YARS2: variants seen among roughly 807,000 people sequenced by gnomAD.
YARS2 encodes tyrosyl-tRNA synthetase 2.
A neutral mutation model predicts 45.0 loss-of-function variants in YARS2; 38 were observed. The observed-to-expected ratio is 0.84, with a 90% CI of 0.65 to 1.11. YARS2 has a LOEUF of 1.11. Ranked by LOEUF, YARS2 falls within the 50% of genes least tolerant of loss-of-function variation. The pLI is 0.00. For synonymous variants in YARS2, 287 were observed against 245.1 expected (o/e 1.17, Z -1.60); for missense variants, 602 against 599.8 (o/e 1.00, Z -0.04).
chr12:32,755,565 C>T lies in YARS2; in HGVS notation c.310G>A (p.Ala104Thr), dbSNP rs1398114844. ...ALLGLFHLQR[A>T]GHNVIALVGG... ...ACCAGCGCGATCACGTTGTGGCCCG[C>T]TCGCTGCAAATGAAACAGGCCCAGC... The change falls in exon 1 of 5, where the codon GCG becomes ACG. Residue 104 changes from alanine to threonine, a missense_variant. By Grantham distance (58) the Ala-to-Thr change is moderately conservative. Coordinates refer to ENST00000324868, the MANE Select transcript of YARS2 (RefSeq NM_001040436.3). 6.2e-7 allele frequency: 1 copy of T among 1,613,782 alleles called. No individual in the cohort carries two copies. Among genetic ancestry groups the T allele is most frequent in the Non-Finnish European group, 8.5e-7 (1 of 1,179,898 alleles).
Position 32,755,319 on chromosome 12 carries a change from G to A in YARS2, c.556C>T (p.Leu186=), listed in dbSNP as rs986905196. The A allele has an allele frequency of 4.3e-6, 7 of 1,614,136 alleles. No individual in the cohort carries two copies. The highest frequency in any genetic ancestry group is 2.2e-5 in the East Asian group (1 of 44,876). ...WYQKQHLVDF[L]AAVGGHFRMG... Reference sequence around the variant, plus strand: ...CGGAAGTGACCCCCCACTGCCGCCAGGAAGTCCACCAGGTGCTGCTTCTGG... The same window carrying A: ...CGGAAGTGACCCCCCACTGCCGCCAAGAAGTCCACCAGGTGCTGCTTCTGG... Residue 186 remains leucine, a synonymous_variant, in exon 1 of 5, where the codon CTG becomes TTG. Coordinates refer to ENST00000324868, the MANE Select transcript of YARS2 (RefSeq NM_001040436.3).
At chr12:32,750,198 T>A in intron 3 of YARS2, 91 bp from the exon 4 acceptor site, 1 of 1,531,342 alleles carries the variant, frequency 6.5e-7, no homozygotes, top group Non-Finnish European at 8.9e-7. Context: ...GTGTCCAAGT[T>A]CTAGACTAAA....
At chr12:32,749,868 C>T in intron 4 of YARS2, 69 bp downstream of exon 4, 1 of 1,590,694 alleles carries the variant, frequency 6.3e-7, no homozygotes, top group East Asian at 2.2e-5. Context: ...TGAGCCACTT[C>T]TCCTGGCCTT....
At chr12:32,747,487 C>G (rs1469999086) in intron 4 of YARS2, 124 bp from the exon 5 acceptor site, 4 of 921,916 alleles carry the variant, frequency 4.3e-6, no homozygotes, top group Admixed American at 3.9e-5. Context: ...TGGCACTGGA[C>G]TGTTACCTTC....
chr12:32,750,920 T>C (rs1283900207), intron 2 of YARS2, 46 bp from the exon 3 acceptor site: 1 of 1,604,768 alleles, frequency 6.2e-7, no homozygotes, highest in Non-Finnish European at 8.5e-7. Flanking sequence ...ACATACCTAA[T>C]TTTTATCTCC....
chr12:32,749,048 C>T (rs892297306), intron 4 of YARS2, among the ~76,000 whole-genome samples: 1 of 152,104 alleles, frequency 6.6e-6, no homozygotes, highest in African/African-American at 2.4e-5. Context: ...CTACTCAATT[C>T]CTGAATAGAA....
At position 32,755,744 on chromosome 12, in the gene YARS2, G is replaced by A. The variant is rs756112674; in HGVS notation, c.131C>T (p.Ala44Val). ...GAQGLLAAQK[A>V]RGLFKDFFPE... ...GAAGAAGTCCTTGAACAGACCTCGA[G>A]CCTTCTGCGCTGCCAGTAACCCCTG... The change falls in exon 1 of 5, where the codon GCT (alanine) becomes GTT (valine). Residue 44 changes from alanine to valine, a missense_variant. Coordinates refer to ENST00000324868, the MANE Select transcript of YARS2 (RefSeq NM_001040436.3). 6 of 1,614,012 alleles carry A rather than the reference G, an allele frequency of 3.7e-6. No individual in the cohort carries two copies. The highest frequency in any genetic ancestry group is 2.2e-5 in the East Asian group (1 of 44,888).
Position 32,755,314 on chromosome 12 carries a change from C to G in YARS2, c.561G>C (p.Ala187=). Residue 187 remains alanine (A), a synonymous_variant, in exon 1 of 5, where the codon GCG becomes GCC. Transcript: ENST00000324868. ...CCATGCGGAAGTGACCCCCCACTGC[C>G]GCCAGGAAGTCCACCAGGTGCTGCT... ...YQKQHLVDFL[A]AVGGHFRMGT... The G allele has an allele frequency of 6.2e-7, 1 of 1,614,108 alleles. No homozygotes were observed. Among genetic ancestry groups the G allele is most frequent in the African/African-American group, 1.3e-5 (1 of 75,060 alleles).
At position 32,750,037 on chromosome 12, in the gene YARS2, ACT is replaced by A. The variant is rs772066461; in HGVS notation, c.1172_1173del (p.Glu391ValfsTer3). ...LEVMSDQELK[E>X]LFKEAPFSEF... ...TCAGAAAATGGAGCTTCTTTAAACA[ACT>A]CTTTTAACTCCTGATCAGACATGAC... On this transcript the variant is annotated frameshift_variant, in exon 4 of 5. Coordinates refer to ENST00000324868, the MANE Select transcript of YARS2 (RefSeq NM_001040436.3). LOFTEE classifies it high-confidence loss of function. 6.2e-7 allele frequency: 1 copy of A among 1,613,684 alleles called. No homozygotes were observed. The highest frequency in any genetic ancestry group is 8.5e-7 in the Non-Finnish European group (1 of 1,179,840).
Position 32,755,483 on chromosome 12 carries a change from G to C in YARS2, c.392C>G (p.Ala131Gly), listed in dbSNP as rs760254193. The change falls in exon 1 of 5, where the codon GCG (alanine) becomes GGG (glycine). Residue 131 changes from alanine to glycine, a missense_variant. Ala to Gly is a moderately conservative substitution (Grantham distance 60). Coordinates refer to ENST00000324868, the MANE Select transcript of YARS2 (RefSeq NM_001040436.3). ...DPSGRTKERE[A>G]LETERVRANA... ...GGCTCGCACGCGCTCTGTCTCCAGCGCCTCGCGTTCCTTGGTACGGCCGCT... is the reference window on the plus strand; with the variant it reads ...GGCTCGCACGCGCTCTGTCTCCAGCCCCTCGCGTTCCTTGGTACGGCCGCT... 1 of 1,612,296 alleles carries C rather than the reference G, an allele frequency of 6.2e-7. No individual in the cohort carries two copies.
chr12:32,754,979 TA>T (rs2137661854), intron 1 of YARS2, 116 bp downstream of exon 1: 1 of 1,364,990 alleles, frequency 7.3e-7, no homozygotes, highest in Non-Finnish European at 1.0e-6. Context: ...TTAATGGGGA[TA>T]AAACCAACAA....
chr12:32,753,767 A>G, intron 2 of YARS2, 151 bp downstream of exon 2: 1 of 1,051,874 alleles, frequency 9.5e-7, no homozygotes, highest in South Asian at 1.4e-5. Flanking sequence ...AGAACACAGT[A>G]AAAATTAGTC....
In YARS2 at chr12:32,755,164, T is replaced by G. The variant is rs375031773; in HGVS notation, c.711A>C (p.Gly237=). 15 of 1,614,046 alleles carry G rather than the reference T, an allele frequency of 9.3e-6. No homozygotes were observed. In the East Asian group the frequency reaches 3.1e-4, roughly 34 times the overall value. The change falls in exon 1 of 5, where the codon GGA becomes GGC. Residue 237 remains glycine, a synonymous_variant. Coordinates refer to ENST00000324868, the MANE Select transcript of YARS2 (RefSeq NM_001040436.3). ...CAGATCCGCCCAGCTGGACCCTGCATCCATAACGCTGGAAGAGGTAATAGA... is the reference window on the plus strand; with the variant it reads ...CAGATCCGCCCAGCTGGACCCTGCAGCCATAACGCTGGAAGAGGTAATAGA... ...YDFYYLFQRY[G]CRVQLGGSDQ... is the part of the protein sequence containing the mutation.
rs1166169937 is a variant in YARS2, at chr12:32,747,366, A to G, written c.1275-3T>C. On this transcript the variant is annotated splice_region_variant and splice_polypyrimidine_tract_variant and intron_variant, in intron 4 of 4. Coordinates refer to ENST00000324868, the MANE Select transcript of YARS2 (RefSeq NM_001040436.3). ...CGCCTTCTGTTATCATTCGATACCTAAAAAATAGAAACGTTTAGTAAGTAG... is the reference window on the plus strand; with the variant it reads ...CGCCTTCTGTTATCATTCGATACCTGAAAAATAGAAACGTTTAGTAAGTAG... The G allele has an allele frequency of 3.1e-6, 5 of 1,613,318 alleles. No homozygotes were observed. Among genetic ancestry groups the G allele is most frequent in the Non-Finnish European group, 4.2e-6 (5 of 1,179,882 alleles).
chr12:32,747,291 A>C lies in YARS2; in HGVS notation c.1347T>G (p.Ile449Met). 1 of 1,614,086 alleles carries C rather than the reference A, an allele frequency of 6.2e-7. No individual in the cohort carries two copies. Among genetic ancestry groups the C allele is most frequent in the Non-Finnish European group, 8.5e-7 (1 of 1,179,968 alleles). Residue 449 changes from isoleucine to methionine, a missense_variant, in exon 5 of 5, where the codon ATT becomes ATG. By Grantham distance (10) the Ile-to-Met change is conservative. Coordinates refer to ENST00000324868, the MANE Select transcript of YARS2 (RefSeq NM_001040436.3). Reference sequence around the variant, plus strand: ...CATTCTTGAGAATATGTTGTCCAACAATTAAAACACTCTCAGGATTTGTTA... The same window carrying C: ...CATTCTTGAGAATATGTTGTCCAACCATTAAAACACTCTCAGGATTTGTTA... The part of the protein sequence containing the change: ...QQVTNPESVL[I>M]VGQHILKNGL...
intron 2 of YARS2, among the ~76,000 whole-genome samples, chr12:32,752,045 C>T (rs181619756): frequency 6.6e-6 from 1 of 152,274 alleles, no homozygotes; most frequent in Admixed American, 6.5e-5. Flanking sequence ...CAACAGGGTA[C>T]ACTGTATAGC....
chr12:32,750,900 C>T lies in YARS2; in HGVS notation c.948-26G>A, dbSNP rs779263073. ...CTTTGAGACAAAAAATAAAGAGTTA[C>T]ACTTATATAACATACCTAATTTTTA... On this transcript the variant is annotated intron_variant, in intron 2 of 4. Transcript: ENST00000324868. 6.8e-6 allele frequency: 11 copies of T among 1,612,412 alleles called. No individual in the cohort carries two copies. In the East Asian group the frequency reaches 2.0e-4, roughly 29 times the overall value.
In YARS2 at chr12:32,755,605, A is replaced by G. The variant is rs753172815; in HGVS notation, c.270T>C (p.Gly90=). 6 of 1,613,986 alleles carry G rather than the reference A, an allele frequency of 3.7e-6. No individual in the cohort carries two copies. Among genetic ancestry groups the G allele is most frequent in the Non-Finnish European group, 5.1e-6 (6 of 1,179,924 alleles). Reference sequence around the variant, plus strand: ...ACAGGCCCAGCAGCGCAAGTAGATGACCCACATGAAGCGAGTCTGCCGTGG... The same window carrying G: ...ACAGGCCCAGCAGCGCAAGTAGATGGCCCACATGAAGCGAGTCTGCCGTGG... The part of the protein sequence containing the change: ...FDPTADSLHV[G]HLLALLGLFH... Residue 90 remains glycine, a synonymous_variant, in exon 1 of 5, where the codon GGT becomes GGC. Coordinates refer to ENST00000324868, the MANE Select transcript of YARS2 (RefSeq NM_001040436.3).
intron 4 of YARS2, among the ~76,000 whole-genome samples, chr12:32,747,761 C>G (rs539458753): frequency 1.3e-5 from 2 of 152,154 alleles, no homozygotes; most frequent in African/African-American, 2.4e-5. Flanking sequence ...GTCTCAAACT[C>G]CCAACCTCAA....
Sources: gnomAD v4.1 joint callset for allele counts (sites outside exome capture counted in the v4.1 genomes callset) on GRCh38, gnomAD v4.1.1 for gene constraint, MANE v1.5 for transcripts, NCBI Gene and HGNC (gene_info 2026-07-23, HGNC 2026-07-21) for gene names.